Variants in CACNG2 observed in about 807,000 individuals in gnomAD.
The protein encoded by CACNG2 is voltage-dependent calcium channel gamma-2 subunit.
In CACNG2, 3 loss-of-function variants were observed where a neutral mutation model predicts 25.9. The ratio of observed to expected loss-of-function variants is 0.12; its 90% CI spans 0.05 to 0.30. The LOEUF (loss-of-function observed/expected upper bound fraction) is 0.30, where lower values mean the gene tolerates loss of function less well. Among genes scored for constraint, CACNG2 ranks in the 10% least tolerant of loss-of-function variants. The probability of loss-of-function intolerance (pLI) is 1.00; values close to 1 mark genes in which losing one functional copy is unlikely to be tolerated. For synonymous variants in CACNG2, 167 were observed against 173.3 expected (o/e 0.96, Z 0.29); for missense variants, 341 against 432.5 (o/e 0.79, Z 1.88).
At chr22:36,618,061 A>G (rs1936048662) in intron 1 of CACNG2, among the ~76,000 whole-genome samples, 1 of 152,214 alleles carries the variant, frequency 6.6e-6, no homozygotes, top group South Asian at 2.1e-4. Context: ...GAGAAGGGAC[A>G]GGTAGTGAAT....
chr22:36,590,052 T>A (rs1935563253), intron 1 of CACNG2, among the ~76,000 whole-genome samples: 1 of 152,158 alleles, frequency 6.6e-6, no homozygotes, highest in South Asian at 2.1e-4. Context: ...CCCTGAGGCG[T>A]CCCACAAATT....
At chr22:36,679,193 C>CCTTT (rs1937059613) in intron 1 of CACNG2, among the ~76,000 whole-genome samples, 1 of 49,240 alleles carries the variant, frequency 2.0e-5, no homozygotes, top group South Asian at 5.7e-4. Flanking sequence ...TTCCTTCCTT[C>CCTTT]CTTCCTTTCT....
At chr22:36,600,598 G>A (rs1935741484) in intron 1 of CACNG2, among the ~76,000 whole-genome samples, 1 of 151,230 alleles carries the variant, frequency 6.6e-6, no homozygotes, top group Non-Finnish European at 1.5e-5. Context: ...CAAGGCTGGA[G>A]TGCAGTGGTG....
intron 1 of CACNG2, among the ~76,000 whole-genome samples, chr22:36,613,816 A>T (rs775342847): frequency 1.2e-4 from 18 of 151,680 alleles, no homozygotes; most frequent in Non-Finnish European, 2.4e-4. Context: ...CCATCCTCTT[A>T]TGCTGGCTCA....
At chr22:36,570,751 A>G (rs892695374) in intron 2 of CACNG2, among the ~76,000 whole-genome samples, 3 of 141,694 alleles carry the variant, frequency 2.1e-5, no homozygotes, top group African/African-American at 8.5e-5. Flanking sequence ...CAACAGAGCA[A>G]GACTCCATCT....
chr22:36,680,192 C>A (rs1377173205), intron 1 of CACNG2, among the ~76,000 whole-genome samples: 2 of 151,162 alleles, frequency 1.3e-5, no homozygotes, highest in Admixed American at 1.3e-4. Flanking sequence ...ACCACCATCA[C>A]TACCACCACC....
chr22:36,654,174 C>T (rs1042342659), intron 1 of CACNG2, among the ~76,000 whole-genome samples: 1 of 152,086 alleles, frequency 6.6e-6, no homozygotes, highest in Admixed American at 6.6e-5. Context: ...GCCAATCTTT[C>T]TCTTTGAGGA....
At chr22:36,648,707 A>G (rs1462337347) in intron 1 of CACNG2, among the ~76,000 whole-genome samples, 1 of 152,152 alleles carries the variant, frequency 6.6e-6, no homozygotes. Flanking sequence ...TCCCTTTGCC[A>G]TCTCAGTAAA....
At chr22:36,652,305 C>T (rs2145976191) in intron 1 of CACNG2, among the ~76,000 whole-genome samples, 1 of 152,272 alleles carries the variant, frequency 6.6e-6, no homozygotes, top group Admixed American at 6.5e-5. Flanking sequence ...CCGCCATTCC[C>T]CACTGCTTTC....
Position 36,602,717 on chromosome 22 carries a change from C to T in CACNG2, c.212-15169G>A, listed in dbSNP as rs115246212. Among the ~76,000 whole-genome samples, 1,436 of 152,244 alleles carry T rather than the reference C, an allele frequency of 9.4e-3. 24 individuals carry two copies. The highest frequency in any genetic ancestry group is 0.033 in the African/African-American group (1,361 of 41,526). On this transcript the variant is annotated intron_variant, in intron 1 of 3. Coordinates refer to ENST00000300105, the MANE Select transcript of CACNG2 (RefSeq NM_006078.5). ...TTCATTATTATTACATCTGTTATGG[C>T]GATCTGTGATCAGTGATCTTGGATG...
intron 1 of CACNG2, among the ~76,000 whole-genome samples, chr22:36,634,183 C>T (rs1603502202): frequency 6.6e-6 from 1 of 152,158 alleles, no homozygotes; most frequent in Admixed American, 6.5e-5. Flanking sequence ...GGCTGTTTTC[C>T]CTATAGTCTA....
chr22:36,664,883 C>T (rs766039132), intron 1 of CACNG2, among the ~76,000 whole-genome samples: 1 of 151,980 alleles, frequency 6.6e-6, no homozygotes, highest in Non-Finnish European at 1.5e-5. Context: ...GAGAATAGAC[C>T]CAGAAAACAT....
At chr22:36,681,473 T>C (rs1937123884) in intron 1 of CACNG2, among the ~76,000 whole-genome samples, 1 of 152,244 alleles carries the variant, frequency 6.6e-6, no homozygotes, top group Non-Finnish European at 1.5e-5. Flanking sequence ...TGCACATTGT[T>C]GACATCCTGT....
intron 1 of CACNG2, among the ~76,000 whole-genome samples, chr22:36,613,844 C>T (rs1935981554): frequency 1.3e-5 from 2 of 152,070 alleles, no homozygotes; most frequent in South Asian, 4.2e-4. Context: ...ATCATGCCTT[C>T]CTCCAGCCCA....
intron 1 of CACNG2, among the ~76,000 whole-genome samples, chr22:36,599,163 T>G (rs1011137418): frequency 6.6e-6 from 1 of 152,184 alleles, no homozygotes; most frequent in African/African-American, 2.4e-5. Flanking sequence ...GGAGAAATGA[T>G]AGCATAGTAT....
intron 1 of CACNG2, among the ~76,000 whole-genome samples, chr22:36,648,611 G>A (rs1601435284): frequency 6.6e-6 from 1 of 152,010 alleles, no homozygotes; most frequent in Non-Finnish European, 1.5e-5. Flanking sequence ...TCTCTCCAGG[G>A]CCCCTGAGTG....
intron 2 of CACNG2, among the ~76,000 whole-genome samples, chr22:36,575,238 G>T (rs956406942): frequency 6.6e-6 from 1 of 152,206 alleles, no homozygotes; most frequent in Non-Finnish European, 1.5e-5. Flanking sequence ...TTCTATGAGG[G>T]TGACAGAAAT....
At chr22:36,691,163 A>G (rs1937264079) in intron 1 of CACNG2, among the ~76,000 whole-genome samples, 1 of 152,174 alleles carries the variant, frequency 6.6e-6, no homozygotes. Flanking sequence ...AAGCAACATA[A>G]AAGATATTAG....
At chr22:36,637,030 G>A (rs867166318) in intron 1 of CACNG2, among the ~76,000 whole-genome samples, 3 of 152,234 alleles carry the variant, frequency 2.0e-5, no homozygotes, top group East Asian at 1.9e-4. Context: ...CGTCCAGGGC[G>A]TTAACATCAT....
Sources: allele counts gnomAD v4.1 joint callset (sites outside exome capture counted in the v4.1 genomes callset), GRCh38; gene constraint gnomAD v4.1.1; transcripts MANE v1.5; gene names NCBI Gene and HGNC (gene_info 2026-07-23, HGNC 2026-07-21).